The following DNAJB4 variants were observed in gnomAD, a reference collection of about 807,000 sequenced individuals.
The protein encoded by DNAJB4 is DnaJ heat shock protein family (Hsp40) member B4, also known as dnaJ homolog subfamily B member 4.
Under a neutral mutation model 26.6 loss-of-function variants are expected in DNAJB4, and 10 were observed. The observed-to-expected ratio is 0.38, with a 90% confidence interval of 0.23 to 0.64. The LOEUF (loss-of-function observed/expected upper bound fraction) is 0.64. DNAJB4 is among the 30% of genes least tolerant of loss of function. The pLI, the probability that DNAJB4 is intolerant of heterozygous loss-of-function variation, is 0.58. For synonymous variants in DNAJB4, 136 were observed against 134.8 expected (o/e 1.01, Z -0.06); for missense variants, 328 against 408.2 (o/e 0.80, Z 1.69).
At chr1:77,996,507 C>G (rs912024731) in intron 1 of DNAJB4, among the ~76,000 whole-genome samples, 1 of 152,020 alleles carries the variant, frequency 6.6e-6, no homozygotes, top group Non-Finnish European at 1.5e-5. Flanking sequence ...GTCTCCAAAT[C>G]TAGTAATTTC....
chr1:77,993,236 A>G (rs1391884828), intron 1 of DNAJB4, among the ~76,000 whole-genome samples: 2 of 151,794 alleles, frequency 1.3e-5, no homozygotes, highest in Admixed American at 6.6e-5. Flanking sequence ...CAGCTACTCA[A>G]CTCTACCGCT....
At chr1:77,993,351 G>T (rs1474096174) in intron 1 of DNAJB4, among the ~76,000 whole-genome samples, 1 of 151,866 alleles carries the variant, frequency 6.6e-6, no homozygotes, top group Non-Finnish European at 1.5e-5. Flanking sequence ...GTCTCGCTCT[G>T]TCACCCAGGC....
intron 1 of DNAJB4, among the ~76,000 whole-genome samples, chr1:77,995,271 AAT>A (rs1660034109): frequency 6.6e-6 from 1 of 152,204 alleles, no homozygotes; most frequent in Non-Finnish European, 1.5e-5. Context: ...ACTTTAAAAA[AAT>A]ATGGTTTCTG....
At chr1:78,008,009 A>G (rs1433421567) in intron 1 of DNAJB4, among the ~76,000 whole-genome samples, 1 of 152,208 alleles carries the variant, frequency 6.6e-6, no homozygotes, top group African/African-American at 2.4e-5. Context: ...GTAATCCAGA[A>G]CACAGTATAT....
At chr1:77,989,917 T>C (rs1264354137) in intron 1 of DNAJB4, among the ~76,000 whole-genome samples, 1 of 152,238 alleles carries the variant, frequency 6.6e-6, no homozygotes, top group Non-Finnish European at 1.5e-5. Flanking sequence ...GGTTTCTCCT[T>C]GGTGGATATC....
upstream of DNAJB4, among the ~76,000 whole-genome samples, chr1:78,001,005 A>G (rs1286515998): frequency 2.0e-5 from 3 of 151,760 alleles, no homozygotes; most frequent in Admixed American, 6.6e-5. Context: ...AAAAAAAAGA[A>G]ATTTCAGGGT....
At chr1:78,009,045 GTATT>G (rs1660401681) in intron 1 of DNAJB4, among the ~76,000 whole-genome samples, 1 of 151,928 alleles carries the variant, frequency 6.6e-6, no homozygotes, top group Non-Finnish European at 1.5e-5. Context: ...GATAAAACTT[GTATT>G]TATTAATCTT....
chr1:77,997,448 C>T (rs1660089846), intron 1 of DNAJB4, among the ~76,000 whole-genome samples: 1 of 151,792 alleles, frequency 6.6e-6, no homozygotes, highest in African/African-American at 2.4e-5. Flanking sequence ...ATCATGGCTG[C>T]AGCGATCTGT....
intron 1 of DNAJB4, among the ~76,000 whole-genome samples, chr1:78,006,977 A>G (rs575044803): frequency 6.6e-6 from 1 of 152,234 alleles, no homozygotes; most frequent in Non-Finnish European, 1.5e-5. Context: ...CATTGGATCC[A>G]GGGTTTAGTA....
chr1:78,002,415 A>G (rs1660214278), upstream of DNAJB4, among the ~76,000 whole-genome samples: 6 of 152,324 alleles, frequency 3.9e-5, no homozygotes, highest in South Asian at 1.2e-3. Flanking sequence ...GAAAAGGTGA[A>G]TGTAAGGGTA....
In DNAJB4 at chr1:78,013,311, C is replaced by T; in HGVS notation, c.472C>T (p.Pro158Ser). Reference protein sequence around the residue: ...SVGPSRLKQDPPVIHELRVSL... With the variant: ...SVGPSRLKQDSPVIHELRVSL... ...GGGGCCATCCCGCCTCAAACAAGAT[C>T]CTCCAGTTATTCATGAACTTAGAGT... The change falls in exon 2 of 3, where the codon CCT (proline) becomes TCT (serine). Residue 158 changes from proline (P) to serine (S), a missense_variant. Coordinates refer to ENST00000370763, the MANE Select transcript of DNAJB4 (RefSeq NM_007034.5). 6.2e-7 allele frequency: 1 copy of T among 1,614,034 alleles called. No individual in the cohort carries two copies. Among genetic ancestry groups the T allele is most frequent in the South Asian group, 1.1e-5 (1 of 91,052 alleles).
chr1:77,984,184 A>G (rs185573761), intron 1 of DNAJB4, among the ~76,000 whole-genome samples: 280 of 152,238 alleles, frequency 1.8e-3, no homozygotes, highest in Admixed American at 3.3e-3. Flanking sequence ...ACTTTAATCA[A>G]ATGTTTTCTT....
At chr1:78,014,224 C>T (rs1571450768) in intron 2 of DNAJB4, among the ~76,000 whole-genome samples, 1 of 151,570 alleles carries the variant, frequency 6.6e-6, no homozygotes, top group Non-Finnish European at 1.5e-5. Context: ...TCTCTTGCCT[C>T]GGCCTCCTAA....
At chr1:78,003,873 A>AGTAATACAGTAAATACAGTAAATAC (rs1660251562), upstream of DNAJB4, among the ~76,000 whole-genome samples, 1 of 152,246 alleles carries the variant, frequency 6.6e-6, no homozygotes, top group Non-Finnish European at 1.5e-5. Flanking sequence ...ACAGAATTAG[A>AGTAATACAGTAAATACAGTAAATAC]AGTAAATACA....
chr1:78,010,818 T>G (rs1660447440), intron 1 of DNAJB4, among the ~76,000 whole-genome samples: 1 of 150,372 alleles, frequency 6.7e-6, no homozygotes. Context: ...TTGTTTTTGC[T>G]TCTGCCTTTT....
Position 78,013,394 on chromosome 1 carries a change from G to A in DNAJB4, c.555G>A (p.Arg185=). 5 of 1,614,174 alleles carry A rather than the reference G, an allele frequency of 3.1e-6. No homozygotes were observed. Among genetic ancestry groups the A allele is most frequent in the Non-Finnish European group, 4.2e-6 (5 of 1,180,032 alleles). The change falls in exon 2 of 3, where the codon AGG becomes AGA. Residue 185 remains arginine (R), a synonymous_variant. Coordinates refer to ENST00000370763, the MANE Select transcript of DNAJB4 (RefSeq NM_007034.5). ...AACGGATGAAGATTTCTCGAAAAAGGCTAAACGCTGATGGAAGGAGTTACA... is the reference window on the plus strand; with the variant it reads ...AACGGATGAAGATTTCTCGAAAAAGACTAAACGCTGATGGAAGGAGTTACA... The part of the protein sequence containing the change: ...CTKRMKISRK[R]LNADGRSYRS...
At chr1:77,989,956 A>G (rs971376005) in intron 1 of DNAJB4, among the ~76,000 whole-genome samples, 2 of 152,216 alleles carry the variant, frequency 1.3e-5, no homozygotes, top group African/African-American at 4.8e-5. Context: ...TCCCCAGAAC[A>G]TCTCTCTTAC....
At chr1:77,988,405 T>G (rs1659851027) in intron 1 of DNAJB4, among the ~76,000 whole-genome samples, 2 of 152,180 alleles carry the variant, frequency 1.3e-5, no homozygotes, top group South Asian at 4.1e-4. Flanking sequence ...CGTAAAACTC[T>G]CCAATGGCAT....
At chr1:77,981,157 C>A (rs577823487) in intron 1 of DNAJB4, 1 of 149,698 alleles carries the variant, frequency 6.7e-6, no homozygotes, top group African/African-American at 2.5e-5. Context: ...TATGTAAGGA[C>A]CTCAATTTTT....
Sources: allele counts gnomAD v4.1 joint callset (sites outside exome capture counted in the v4.1 genomes callset), GRCh38; gene constraint gnomAD v4.1.1; transcripts MANE v1.5; gene names NCBI Gene and HGNC (gene_info 2026-07-23, HGNC 2026-07-21).